The following ADAMTSL1 variants were observed in gnomAD, a reference collection of about 807,000 sequenced individuals.
ADAMTSL1 encodes the protein ADAMTS-like protein 1.
In ADAMTSL1, 126 loss-of-function variants were observed where a neutral mutation model predicts 201.8. The ratio of observed to expected loss-of-function variants is 0.62; its 90% CI spans 0.54 to 0.72. The LOEUF is 0.72. Among genes scored for constraint, ADAMTSL1 ranks in the 30% least tolerant of loss-of-function variants. The pLI, the probability that ADAMTSL1 is intolerant of heterozygous loss-of-function variation, is 0.00. For missense variants in ADAMTSL1, 2,679 were observed against 2,277.8 expected (o/e 1.18, Z -3.59); for synonymous variants, 1,121 against 903.4 (o/e 1.24, Z -4.32).
At chr9:18,554,454 G>A (rs1044274821) in intron 3 of ADAMTSL1, among the ~76,000 whole-genome samples, 7 of 151,670 alleles carry the variant, frequency 4.6e-5, no homozygotes, top group Admixed American at 2.6e-4. Context: ...AATAATTTAC[G>A]TTTGCTCTTG....
intron 1 of ADAMTSL1, among the ~76,000 whole-genome samples, chr9:18,020,007 C>T (rs1379013846): frequency 6.6e-6 from 1 of 152,044 alleles, no homozygotes; most frequent in East Asian, 1.9e-4. Flanking sequence ...CAAATGTGTA[C>T]ATTGGTTATC....
At chr9:18,669,501 C>T (rs1417901834) in intron 9 of ADAMTSL1, among the ~76,000 whole-genome samples, 3 of 151,978 alleles carry the variant, frequency 2.0e-5, no homozygotes, top group Non-Finnish European at 2.9e-5. Context: ...GATCTGATTT[C>T]GGTGGAAGCC....
chr9:18,429,738 T>A (rs1043083023), intron 2 of ADAMTSL1, among the ~76,000 whole-genome samples: 2 of 152,190 alleles, frequency 1.3e-5, no homozygotes, highest in Admixed American at 6.5e-5. Context: ...TAAAATTTTT[T>A]ATTCCATTTA....
chr9:18,530,929 C>T (rs766404302), intron 2 of ADAMTSL1, among the ~76,000 whole-genome samples: 3 of 152,166 alleles, frequency 2.0e-5, no homozygotes, highest in Non-Finnish European at 4.4e-5. Flanking sequence ...AAGCATACCA[C>T]ATTTTGCAAA....
chr9:17,941,609 A>G (rs868051666), intron 1 of ADAMTSL1, among the ~76,000 whole-genome samples: 56 of 152,178 alleles, frequency 3.7e-4, no homozygotes, highest in African/African-American at 1.3e-3. Flanking sequence ...GTCAGGCCTC[A>G]TTTTTCAAAG....
intron 1 of ADAMTSL1, among the ~76,000 whole-genome samples, chr9:18,066,076 C>T (rs7860145): frequency 0.51 from 75,788 of 149,738 alleles, 19,162 homozygotes; most frequent in Non-Finnish European, 0.54. Context: ...AAAGAAATGG[C>T]AAAAGAAATA....
chr9:18,144,754 T>C (rs529741746), intron 1 of ADAMTSL1, among the ~76,000 whole-genome samples: 3 of 152,182 alleles, frequency 2.0e-5, no homozygotes, highest in African/African-American at 7.2e-5. Context: ...AATGACAGAG[T>C]GGCCCAAAGT....
At chr9:18,433,557 T>C (rs1163562580) in intron 2 of ADAMTSL1, among the ~76,000 whole-genome samples, 1 of 152,122 alleles carries the variant, frequency 6.6e-6, no homozygotes, top group Non-Finnish European at 1.5e-5. Context: ...TCTTAATATA[T>C]GTAAAGATGG....
chr9:18,639,107 T>C (rs1827282335), intron 6 of ADAMTSL1, 147 bp from the exon 7 acceptor site: 3 of 702,546 alleles, frequency 4.3e-6, no homozygotes, highest in African/African-American at 1.8e-5. Flanking sequence ...CTGTATAGTT[T>C]GTTGATATCA....
At chr9:18,860,056 T>C (rs890955682) in intron 23 of ADAMTSL1, among the ~76,000 whole-genome samples, 2 of 152,242 alleles carry the variant, frequency 1.3e-5, no homozygotes, top group African/African-American at 2.4e-5. Context: ...TTCAGATCAA[T>C]TACGTCTGAG....
intron 2 of ADAMTSL1, among the ~76,000 whole-genome samples, chr9:18,390,388 G>T (rs1406761594): frequency 6.6e-6 from 1 of 152,202 alleles, no homozygotes; most frequent in Non-Finnish European, 1.5e-5. Flanking sequence ...GGGCAGACAA[G>T]TGGCATCAGA....
chr9:18,191,675 A>G (rs931782683), intron 2 of ADAMTSL1, among the ~76,000 whole-genome samples: 3 of 152,192 alleles, frequency 2.0e-5, no homozygotes, highest in Admixed American at 6.5e-5. Context: ...TGGATGCCCA[A>G]CTTCCACAAA....
At chr9:18,748,005 T>C (rs1819245616) in intron 15 of ADAMTSL1, among the ~76,000 whole-genome samples, 1 of 152,202 alleles carries the variant, frequency 6.6e-6, no homozygotes, top group African/African-American at 2.4e-5. Context: ...GGAGACCCTA[T>C]GTCTCCTGCC....
chr9:18,157,767 G>T (rs1376912269), intron 1 of ADAMTSL1, among the ~76,000 whole-genome samples: 2 of 152,014 alleles, frequency 1.3e-5, no homozygotes, highest in Non-Finnish European at 2.9e-5. Context: ...ATGGTTATAA[G>T]AATGCTTTTA....
intron 1 of ADAMTSL1, among the ~76,000 whole-genome samples, chr9:17,930,244 T>A (rs1000603754): frequency 6.6e-6 from 1 of 152,140 alleles, no homozygotes; most frequent in South Asian, 2.1e-4. Context: ...TTGACTGGTT[T>A]GATGGAGTCT....
intron 2 of ADAMTSL1, among the ~76,000 whole-genome samples, chr9:18,378,144 C>T (rs534623352): frequency 6.6e-6 from 1 of 152,184 alleles, no homozygotes; most frequent in Admixed American, 6.5e-5. Flanking sequence ...CTTTTGTTAA[C>T]TCATATCTCA....
chr9:18,422,198 C>G (rs1818986763), intron 2 of ADAMTSL1, among the ~76,000 whole-genome samples: 2 of 152,154 alleles, frequency 1.3e-5, no homozygotes, highest in Admixed American at 6.5e-5. Flanking sequence ...CACACACACA[C>G]AAGCCACCTT....
At chr9:18,004,689 G>A (rs1767871305) in intron 1 of ADAMTSL1, among the ~76,000 whole-genome samples, 1 of 152,000 alleles carries the variant, frequency 6.6e-6, no homozygotes, top group Non-Finnish European at 1.5e-5. Context: ...TCTCCTGTAG[G>A]CTTTAGAGTG....
In ADAMTSL1 at chr9:18,777,128, C is replaced by G; in HGVS notation, c.2899C>G (p.Leu967Val). The change falls in exon 19 of 29, where the codon CTC becomes GTC. Residue 967 changes from leucine (L) to valine (V), a missense_variant. Leu to Val is a conservative substitution (Grantham distance 32). Coordinates refer to ENST00000380548, the MANE Select transcript of ADAMTSL1 (RefSeq NM_001040272.6). ...TAAGCTCATCGGAGGCAACCGCAAG[C>G]TCGTGGCCCGGCCCTTGAGCCCGAG... Reference protein sequence around the residue: ...VIKLIGGNRKLVARPLSPRSE... With the variant: ...VIKLIGGNRKVVARPLSPRSE... 1.9e-6 allele frequency: 3 copies of G among 1,613,076 alleles called. No individual in the cohort carries two copies. The highest frequency in any genetic ancestry group is 2.5e-6 in the Non-Finnish European group (3 of 1,179,838).
Sources: gnomAD v4.1 joint callset for allele counts (sites outside exome capture counted in the v4.1 genomes callset) on GRCh38, gnomAD v4.1.1 for gene constraint, MANE v1.5 for transcripts, NCBI Gene and HGNC (gene_info 2026-07-23, HGNC 2026-07-21) for gene names.